CLIP4: variants seen among roughly 807,000 people sequenced by gnomAD.
The protein encoded by CLIP4 is CAP-Gly domain containing linker protein family member 4.
CLIP4 carries 47 observed loss-of-function variants against 73.1 expected under a neutral mutation model. That is an observed-to-expected ratio of 0.64 (90% CI 0.51 to 0.82). The LOEUF (loss-of-function observed/expected upper bound fraction) is 0.82, where lower values mean the gene tolerates loss of function less well. CLIP4 is among the 40% of genes least tolerant of loss of function. CLIP4 has a pLI of 0.00. For synonymous variants in CLIP4, 306 were observed against 295.4 expected (o/e 1.04, Z -0.37); for missense variants, 874 against 852.9 (o/e 1.02, Z -0.31).
chr2:29,176,247 A>G (rs1668338000), intron 15 of CLIP4, among the ~76,000 whole-genome samples: 1 of 152,194 alleles, frequency 6.6e-6, no homozygotes, highest in African/African-American at 2.4e-5. Context: ...CCAAGGGGCC[A>G]GAGTTGATTG....
chr2:29,119,296 C>T (rs1346690322), intron 1 of CLIP4, among the ~76,000 whole-genome samples: 2 of 152,256 alleles, frequency 1.3e-5, no homozygotes, highest in Admixed American at 6.5e-5. Context: ...TATTCTAGCT[C>T]CTGTGGTGAC....
At chr2:29,130,400 A>G (rs1664891527) in intron 2 of CLIP4, among the ~76,000 whole-genome samples, 1 of 152,240 alleles carries the variant, frequency 6.6e-6, no homozygotes, top group African/African-American at 2.4e-5. Context: ...GGAAATTCAT[A>G]CAGCTTAATT....
chr2:29,177,878 T>G (rs1360961286), intron 15 of CLIP4, among the ~76,000 whole-genome samples: 1 of 152,220 alleles, frequency 6.6e-6, no homozygotes, highest in Non-Finnish European at 1.5e-5. Context: ...CTCTCAAACA[T>G]ACCATAATTC....
chr2:29,115,791 C>G lies in CLIP4; in HGVS notation c.-16+126C>G, dbSNP rs1663761364. The G allele has an allele frequency of 6.6e-6, 1 of 151,318 alleles. No homozygotes were observed. Among genetic ancestry groups the G allele is most frequent in the African/African-American group, 2.4e-5 (1 of 41,304 alleles). 9.4% of individuals were successfully genotyped at this position (151,318 alleles called of 1,614,324 possible). On this transcript the variant is annotated intron_variant, in intron 1 of 15. Transcript: ENST00000320081. The surrounding 1 kb of genome is among the most constrained non-coding windows in gnomAD (Gnocchi z 5.1). The stretch of plus-strand genomic sequence containing the variant: ...GCCCCGGGAGGGTCGCGCAGAGGCG[C>G]TGGGGGCTGTGGAAGCCCCGCGGCC...
chr2:29,176,212 C>A (rs1668334648), intron 15 of CLIP4, among the ~76,000 whole-genome samples: 1 of 152,174 alleles, frequency 6.6e-6, no homozygotes, highest in Non-Finnish European at 1.5e-5. Context: ...GTGAGGGAGA[C>A]AGGGCAGTGC....
At chr2:29,172,150 C>G (rs1668050671) in intron 14 of CLIP4, among the ~76,000 whole-genome samples, 1 of 151,522 alleles carries the variant, frequency 6.6e-6, no homozygotes, top group Non-Finnish European at 1.5e-5. Context: ...TATCCTTTCT[C>G]AATAATAGAA....
At chr2:29,152,575 G>A (rs1666645107) in intron 8 of CLIP4, 110 bp from the exon 9 acceptor site, 11 of 1,088,610 alleles carry the variant, frequency 1.0e-5, no homozygotes, top group Non-Finnish European at 3.9e-6. Context: ...AGGACATGCA[G>A]TGGGCACTAA....
intron 11 of CLIP4, among the ~76,000 whole-genome samples, chr2:29,159,138 A>G (rs1474373083): frequency 6.6e-6 from 1 of 152,182 alleles, no homozygotes; most frequent in Non-Finnish European, 1.5e-5. Flanking sequence ...GTAAACTATG[A>G]AGTGCTATAG....
intron 1 of CLIP4, among the ~76,000 whole-genome samples, chr2:29,098,677 G>A (rs1266289419): frequency 1.3e-5 from 2 of 152,094 alleles, no homozygotes; most frequent in African/African-American, 4.8e-5. Context: ...TAACATTCAC[G>A]TATCGGTTCT....
intron 15 of CLIP4, among the ~76,000 whole-genome samples, chr2:29,175,867 T>G (rs1668301577): frequency 6.6e-6 from 1 of 152,064 alleles, no homozygotes; most frequent in South Asian, 2.1e-4. Context: ...GTTCACGCCA[T>G]TCTTCTGTCT....
At chr2:29,180,493 C>T (rs1450398677) in intron 15 of CLIP4, among the ~76,000 whole-genome samples, 1 of 152,084 alleles carries the variant, frequency 6.6e-6, no homozygotes, top group African/African-American at 2.4e-5. Context: ...CACCTCAGAC[C>T]CTCGTTAGTG....
chr2:29,152,037 A>G (rs1160067367), intron 8 of CLIP4, among the ~76,000 whole-genome samples: 5 of 152,154 alleles, frequency 3.3e-5, no homozygotes, highest in Non-Finnish European at 7.3e-5. Flanking sequence ...TATATTTTAT[A>G]GTCAGAAAGA....
Position 29,132,072 on chromosome 2 carries a change from C to T in CLIP4, c.274-80C>T, listed in dbSNP as rs888485369. 4.2e-6 allele frequency: 4 copies of T among 958,164 alleles called. No homozygotes were observed. In the African/African-American group the frequency reaches 6.5e-5, roughly 15 times the overall value. 59.4% of individuals were successfully genotyped at this position (958,164 alleles called of 1,614,324 possible). Reference sequence around the variant, plus strand: ...AAGTAATTCAGATACGATAGACTAACTTGGTTCCTCAGCATTGGTTTGAAA... The same window carrying T: ...AAGTAATTCAGATACGATAGACTAATTTGGTTCCTCAGCATTGGTTTGAAA... On this transcript the variant is annotated intron_variant, in intron 3 of 15. Coordinates refer to ENST00000320081, the MANE Select transcript of CLIP4 (RefSeq NM_024692.6).
rs908932257 is a variant in CLIP4 at position 29,182,182 on chromosome 2, C to A, written c.*289C>A. The stretch of plus-strand genomic sequence containing the variant: ...AGTGCCATCAGGTGACCAGCTGTTG[C>A]ATTTCTTGCTTATTCTGTTTTGTTT... On this transcript the variant is annotated 3_prime_UTR_variant, in exon 16 of 16. Coordinates refer to ENST00000320081, the MANE Select transcript of CLIP4 (RefSeq NM_024692.6). The A allele has an allele frequency of 8.5e-6, 2 of 234,674 alleles. No individual in the cohort carries two copies. Among genetic ancestry groups the A allele is most frequent in the East Asian group, 1.8e-4 (2 of 11,262 alleles). The allele number at this position is 234,674 out of a possible 1,614,324, so 14.5% of individuals were successfully genotyped here. A position where few individuals can be genotyped will look rare whatever the true frequency, so the allele number is the denominator to read the frequency against.
chr2:29,113,143 A>C (rs922048503), upstream of CLIP4, among the ~76,000 whole-genome samples: 1 of 152,198 alleles, frequency 6.6e-6, no homozygotes, highest in Non-Finnish European at 1.5e-5. The surrounding 1 kb of genome is among the most constrained non-coding windows in gnomAD (Gnocchi z 4.0). Flanking sequence ...AGCCTCCCAG[A>C]GTCTGCTTCT....
intron 6 of CLIP4, among the ~76,000 whole-genome samples, chr2:29,138,603 G>A (rs1159143625): frequency 2.0e-5 from 3 of 151,994 alleles, no homozygotes; most frequent in African/African-American, 7.2e-5. Flanking sequence ...TTTGGGCAAT[G>A]TGGACATTTT....
chr2:29,144,438 C>T (rs1475030261), intron 7 of CLIP4, among the ~76,000 whole-genome samples: 1 of 152,170 alleles, frequency 6.6e-6, no homozygotes, highest in Non-Finnish European at 1.5e-5. Flanking sequence ...CATCCAGACA[C>T]CTTTTTTCCT....
At chr2:29,156,325 G>T in intron 9 of CLIP4, 29 bp from the exon 10 acceptor site, 4 of 1,448,374 alleles carry the variant, frequency 2.8e-6, no homozygotes, top group African/African-American at 1.4e-5. Flanking sequence ...TAAAATTCTT[G>T]CTTAAAGTGT....
At chr2:29,100,081 A>G (rs2148429009) in intron 1 of CLIP4, among the ~76,000 whole-genome samples, 1 of 152,158 alleles carries the variant, frequency 6.6e-6, no homozygotes, top group South Asian at 2.1e-4. Context: ...GAGACAAGTT[A>G]TGTTACTGGC....
Sources: gnomAD v4.1 joint callset for allele counts (sites outside exome capture counted in the v4.1 genomes callset) on GRCh38, gnomAD v4.1.1 for gene constraint, Gnocchi (gnomAD v3.1) non-coding constraint, MANE v1.5 for transcripts, NCBI Gene and HGNC (gene_info 2026-07-23, HGNC 2026-07-21) for gene names.